Variants in WDR17 observed in about 807,000 individuals in gnomAD.
WDR17 encodes WD repeat domain 17.
Under a neutral mutation model 161.7 loss-of-function variants are expected in WDR17, and 143 were observed. The ratio of observed to expected loss-of-function variants is 0.88; its 90% confidence interval spans 0.77 to 1.02. WDR17 has a LOEUF of 1.02. Ranked by LOEUF, WDR17 falls within the 50% of genes least tolerant of loss-of-function variation. WDR17 has a pLI of 0.00. For synonymous variants in WDR17, 517 were observed against 515.6 expected (o/e 1.00, Z -0.04); for missense variants, 1,469 against 1,520.9 (o/e 0.97, Z 0.57).
intron 1 of WDR17, among the ~76,000 whole-genome samples, chr4:176,080,538 G>A (rs184427465): frequency 6.6e-6 from 1 of 152,224 alleles, no homozygotes; most frequent in African/African-American, 2.4e-5. Context: ...TGTTTCAGGA[G>A]GGTGGATTCA....
In WDR17 at chr4:176,162,106, G is replaced by A. The variant is rs6810394; in HGVS notation, c.2782G>A (p.Glu928Lys). 2 of 1,613,196 alleles carry A rather than the reference G, an allele frequency of 1.2e-6. No individual in the cohort carries two copies. The highest frequency in any genetic ancestry group is 1.7e-6 in the Non-Finnish European group (2 of 1,179,452). ...LLHKVSKELA[E>K]WYFQDGRAVL... is the part of the protein sequence containing the mutation. The stretch of plus-strand genomic sequence containing the variant: ...GCACAAAGTCAGTAAAGAACTGGCA[G>A]AATGGTATTTTCAAGATGGTCGAGC... The change falls in exon 21 of 29, where the codon GAA (glutamate) becomes AAA (lysine). Residue 928 changes from glutamate to lysine, a missense_variant. Glu to Lys is a moderately conservative substitution (Grantham distance 56, BLOSUM62 1). Coordinates refer to ENST00000508596, the MANE Select transcript of WDR17 (RefSeq NM_181265.4).
chr4:176,110,535 C>A (rs1212537590), intron 1 of WDR17, among the ~76,000 whole-genome samples: 1 of 152,062 alleles, frequency 6.6e-6, no homozygotes, highest in Non-Finnish European at 1.5e-5. Context: ...TTTTGAATGT[C>A]ATTTATTAGA....
At chr4:176,176,964 A>G (rs1323172175) in intron 26 of WDR17, 94 bp from the exon 27 acceptor site, 8 of 836,206 alleles carry the variant, frequency 9.6e-6, no homozygotes, top group Non-Finnish European at 1.4e-5. Flanking sequence ...GTATACAGAA[A>G]TATATAAATC....
intron 5 of WDR17, among the ~76,000 whole-genome samples, chr4:176,128,259 G>A (rs1742773398): frequency 1.3e-5 from 2 of 152,110 alleles, no homozygotes; most frequent in African/African-American, 4.8e-5. Flanking sequence ...AATTAAGATG[G>A]GAATTTTGGA....
In WDR17 at chr4:176,141,980, T is replaced by C. The variant is rs1745346825; in HGVS notation, c.1443-3T>C. 6.3e-7 allele frequency: 1 copy of C among 1,580,634 alleles called. No individual in the cohort carries two copies. The highest frequency in any genetic ancestry group is 8.6e-7 in the Non-Finnish European group (1 of 1,157,890). ...TCTATTAACATATTATAATTAATTC[T>C]AGTATTATTCGAACAATTGATGGTA... On this transcript the variant is annotated splice_region_variant and splice_polypyrimidine_tract_variant and intron_variant, in intron 10 of 28. Transcript: ENST00000508596.
intron 23 of WDR17, among the ~76,000 whole-genome samples, chr4:176,170,250 G>A (rs1395613933): frequency 1.3e-5 from 2 of 150,808 alleles, no homozygotes; most frequent in East Asian, 1.9e-4. Context: ...TTTAGTATAT[G>A]TACTATTTTT....
In WDR17 at chr4:176,146,092, G is replaced by A. The variant is rs1190162397; in HGVS notation, c.1627G>A (p.Ala543Thr). ...ATTGAAAGTATTTAGTGGGCATACA[G>A]CAAAAGTGTTTCATGTTAAATGGTC... ...QPLKVFSGHT[A>T]KVFHVKWSPL... Residue 543 changes from alanine (A) to threonine (T), a missense_variant, in exon 12 of 29, where the codon GCA becomes ACA. Coordinates refer to ENST00000508596, the MANE Select transcript of WDR17 (RefSeq NM_181265.4). The A allele has an allele frequency of 5.6e-6, 9 of 1,613,902 alleles. No individual in the cohort carries two copies. The highest frequency in any genetic ancestry group is 6.8e-6 in the Non-Finnish European group (8 of 1,179,966).
Position 176,162,192 on chromosome 4 carries a change from G to A in WDR17, c.2850+18G>A. 4 of 1,603,282 alleles carry A rather than the reference G, an allele frequency of 2.5e-6. No individual in the cohort carries two copies. The highest frequency in any genetic ancestry group is 3.4e-6 in the Non-Finnish European group (4 of 1,174,526). On this transcript the variant is annotated intron_variant, in intron 21 of 28. Coordinates refer to ENST00000508596, the MANE Select transcript of WDR17 (RefSeq NM_181265.4). ...ATATTGAGGTACGACATTTAAAACTGGTTTATGTGAATGAAAAGTTTTTTA... is the reference window on the plus strand; with the variant it reads ...ATATTGAGGTACGACATTTAAAACTAGTTTATGTGAATGAAAAGTTTTTTA...
At chr4:176,118,060 T>C (rs1561126089) in intron 3 of WDR17, among the ~76,000 whole-genome samples, 1 of 152,106 alleles carries the variant, frequency 6.6e-6, no homozygotes, top group East Asian at 1.9e-4. Flanking sequence ...TAAATGAAAA[T>C]GCATATTAGT....
chr4:176,140,602 CT>C (rs920236225), intron 10 of WDR17, among the ~76,000 whole-genome samples: 15 of 152,138 alleles, frequency 9.9e-5, no homozygotes, highest in Non-Finnish European at 1.6e-4. Context: ...TGCTCCTCCC[CT>C]GTAGCTGTCT....
chr4:176,173,404 CTATT>C lies in WDR17; in HGVS notation c.3347+37_3347+40del, dbSNP rs758975682. 18 of 1,413,500 alleles carry C rather than the reference CTATT, an allele frequency of 1.3e-5. No homozygotes were observed. In the South Asian group the frequency reaches 1.7e-4, roughly 13 times the overall value. 87.6% of individuals were successfully genotyped at this position (1,413,500 alleles called of 1,614,324 possible). A position where few individuals can be genotyped will look rare whatever the true frequency, so the allele number is the denominator to read the frequency against. The stretch of plus-strand genomic sequence containing the variant: ...TTTTCTGCAAAATATATAAGTGAAT[CTATT>C]TGATAATTTTAAAGTGGCTCCATTG... On this transcript the variant is annotated intron_variant, in intron 25 of 28. Coordinates refer to ENST00000508596, the MANE Select transcript of WDR17 (RefSeq NM_181265.4).
Position 176,111,662 on chromosome 4 carries a change from A to G in WDR17, c.82A>G (p.Arg28Gly). Residue 28 changes from arginine (R) to glycine (G), a missense_variant, in exon 2 of 29, where the codon AGG (arginine) becomes GGG (glycine). By Grantham distance (125) the Arg-to-Gly change is moderately radical (BLOSUM62 -2). Coordinates refer to ENST00000508596, the MANE Select transcript of WDR17 (RefSeq NM_181265.4). ...NKDVCAASGD[R>G]FAYCATLAIY... ...GGATGTATGTGCTGCCAGTGGAGACAGGTTTGCATATTGTGCGACCCTGGC... is the reference window on the plus strand; with the variant it reads ...GGATGTATGTGCTGCCAGTGGAGACGGGTTTGCATATTGTGCGACCCTGGC... 6.2e-7 allele frequency: 1 copy of G among 1,610,092 alleles called. No individual in the cohort carries two copies. The highest frequency in any genetic ancestry group is 2.2e-5 in the East Asian group (1 of 44,720).
chr4:176,093,319 A>C (rs370895129), intron 1 of WDR17, among the ~76,000 whole-genome samples: 1 of 152,264 alleles, frequency 6.6e-6, no homozygotes, highest in East Asian at 1.9e-4. Context: ...CATTCTTCAC[A>C]GAAATAGAAA....
In WDR17 at chr4:176,150,818, A is replaced by G. The variant is rs571482251; in HGVS notation, c.2304+225A>G. On this transcript the variant is annotated intron_variant, in intron 16 of 28. Transcript: ENST00000508596. ...GGTTGAGTCTCATGAAATTCCTTCA[A>G]GGTCACTCGGAACTCCTTGAAATGC... Among the ~76,000 whole-genome samples, 5 of 152,328 alleles carry G rather than the reference A, an allele frequency of 3.3e-5. No homozygotes were observed. The South Asian group carries it at 8.3e-4, about 25-fold the overall frequency.
At chr4:176,092,170 C>G (rs943143253) in intron 1 of WDR17, among the ~76,000 whole-genome samples, 4 of 152,076 alleles carry the variant, frequency 2.6e-5, no homozygotes, top group Non-Finnish European at 5.9e-5. Flanking sequence ...GCCAGTGTTT[C>G]CGATGAATAT....
chr4:176,156,569 G>T (rs191002735), intron 18 of WDR17, among the ~76,000 whole-genome samples: 1 of 152,008 alleles, frequency 6.6e-6, no homozygotes, highest in East Asian at 1.9e-4. Flanking sequence ...AGGCACTGAT[G>T]ATAAAGAAGG....
intron 5 of WDR17, among the ~76,000 whole-genome samples, chr4:176,126,385 A>G (rs773970910): frequency 6.6e-6 from 1 of 152,180 alleles, no homozygotes; most frequent in Non-Finnish European, 1.5e-5. Flanking sequence ...GTTTTTGGCT[A>G]CTGTATAAAT....
At chr4:176,080,883 C>G (rs1310399632) in intron 1 of WDR17, among the ~76,000 whole-genome samples, 1 of 151,916 alleles carries the variant, frequency 6.6e-6, no homozygotes, top group Non-Finnish European at 1.5e-5. Flanking sequence ...AATGCTTATC[C>G]AGACCTCTGT....
At chr4:176,135,318 C>A (rs1579149856) in intron 8 of WDR17, 42 bp downstream of exon 8, 1 of 1,596,730 alleles carries the variant, frequency 6.3e-7, no homozygotes, top group Non-Finnish European at 8.6e-7. Context: ...AATGAAATGG[C>A]TTTTTAAAGT....
Sources: gnomAD v4.1 joint callset for allele counts (sites outside exome capture counted in the v4.1 genomes callset) on GRCh38, gnomAD v4.1.1 for gene constraint, MANE v1.5 for transcripts, NCBI Gene and HGNC (gene_info 2026-07-23, HGNC 2026-07-21) for gene names.